CHODL: variants seen among roughly 807,000 people sequenced by gnomAD.
The protein encoded by CHODL is transmembrane protein MT75.
Under a neutral mutation model 34.5 loss-of-function variants are expected in CHODL, and 29 were observed. The ratio of observed to expected loss-of-function variants is 0.84; its 90% CI spans 0.63 to 1.15. CHODL has a LOEUF of 1.15. Among genes scored for constraint, CHODL ranks in the 50% most tolerant of loss-of-function variants. The probability of loss-of-function intolerance (pLI) is 0.00; values close to 1 mark genes in which losing one functional copy is unlikely to be tolerated. For synonymous variants in CHODL, 125 were observed against 116.1 expected (o/e 1.08, Z -0.49); for missense variants, 332 against 332.5 (o/e 1.00, Z 0.01).
chr21:18,005,753 A>G (rs2063954305), intron 1 of CHODL, among the ~76,000 whole-genome samples: 1 of 152,104 alleles, frequency 6.6e-6, no homozygotes, highest in African/African-American at 2.4e-5. Context: ...ATCCATATCC[A>G]CCTAGAAAAC....
At chr21:18,155,735 A>G (rs930192353) in intron 2 of CHODL, among the ~76,000 whole-genome samples, 2 of 152,186 alleles carry the variant, frequency 1.3e-5, no homozygotes, top group African/African-American at 4.8e-5. Flanking sequence ...AAAGGCAGTC[A>G]CGGAAACAAT....
At position 18,256,750 on chromosome 21, in the gene CHODL, A is replaced by G; in HGVS notation, c.321A>G (p.Gly107=). ...TCTGGATAGGGCTTTGGAGGAATGG[A>G]GATGGGCAAACATCTGGTGCCTGCC... ...GDFWIGLWRN[G]DGQTSGACPD... The change falls in exon 2 of 6, where the codon GGA becomes GGG. Residue 107 remains glycine, a synonymous_variant. Transcript: ENST00000299295. The G allele has an allele frequency of 6.2e-7, 1 of 1,613,798 alleles. No individual in the cohort carries two copies. Among genetic ancestry groups the G allele is most frequent in the Admixed American group, 1.7e-5 (1 of 60,006 alleles).
At chr21:18,051,141 A>G (rs2064510119) in intron 2 of CHODL, among the ~76,000 whole-genome samples, 1 of 151,778 alleles carries the variant, frequency 6.6e-6, no homozygotes, top group Non-Finnish European at 1.5e-5. Flanking sequence ...ATGTGTTCTC[A>G]TTGTTCAACT....
chr21:18,207,873 T>C (rs559402917), intron 2 of CHODL, among the ~76,000 whole-genome samples: 1 of 152,106 alleles, frequency 6.6e-6, no homozygotes, highest in Non-Finnish European at 1.5e-5. Context: ...CTTGCTGCTT[T>C]TAGGATTCTT....
chr21:18,146,330 GT>G, intron 2 of CHODL, among the ~76,000 whole-genome samples: 1 of 152,052 alleles, frequency 6.6e-6, no homozygotes, highest in Non-Finnish European at 1.5e-5. Context: ...ACCTGATATG[GT>G]TTAGCTTGTG....
At chr21:18,232,708 G>A (rs1423528710) in intron 2 of CHODL, among the ~76,000 whole-genome samples, 2 of 151,850 alleles carry the variant, frequency 1.3e-5, no homozygotes, top group Admixed American at 1.3e-4. Context: ...CATTGGTTTA[G>A]TCTTGGTGAT....
At chr21:18,173,604 G>C (rs11911044) in intron 2 of CHODL, among the ~76,000 whole-genome samples, 16,205 of 152,018 alleles carry the variant, frequency 0.11, 948 homozygotes, top group Middle Eastern at 0.15. Context: ...GCTTAGGTTG[G>C]GGATTTGCTA....
At chr21:18,048,291 T>C (rs2064470067) in intron 2 of CHODL, among the ~76,000 whole-genome samples, 1 of 151,926 alleles carries the variant, frequency 6.6e-6, no homozygotes, top group South Asian at 2.1e-4. Flanking sequence ...TTGGTGTCTC[T>C]TCAACTCTGA....
At chr21:18,047,042 C>T (rs1256974016) in intron 2 of CHODL, among the ~76,000 whole-genome samples, 1 of 151,930 alleles carries the variant, frequency 6.6e-6, no homozygotes, top group East Asian at 1.9e-4. Context: ...AGTTCCCTGA[C>T]ACTGGTGATT....
chr21:18,085,845 A>T (rs1735307), intron 2 of CHODL, among the ~76,000 whole-genome samples: 61,757 of 151,448 alleles, frequency 0.41, 13,672 homozygotes, highest in Non-Finnish European at 0.51. Flanking sequence ...AATTCCTTTT[A>T]GAATATATTT....
chr21:18,153,393 C>T (rs1176657916), intron 2 of CHODL, among the ~76,000 whole-genome samples: 1 of 152,158 alleles, frequency 6.6e-6, no homozygotes, highest in South Asian at 2.1e-4. Flanking sequence ...TTTCCTGGCT[C>T]ATGGTCACTT....
intron 2 of CHODL, among the ~76,000 whole-genome samples, chr21:18,146,770 T>C (rs1376598021): frequency 6.6e-6 from 1 of 152,220 alleles, no homozygotes; most frequent in Non-Finnish European, 1.5e-5. Context: ...TCTGAGCTCT[T>C]AGTATCCCCT....
chr21:18,234,574 G>A (rs2074012046), intron 2 of CHODL, among the ~76,000 whole-genome samples: 1 of 152,024 alleles, frequency 6.6e-6, no homozygotes, highest in Non-Finnish European at 1.5e-5. Flanking sequence ...GGGTAAAAGA[G>A]GATAATGCAA....
chr21:17,923,372 T>G (rs1044578215), intron 1 of CHODL, among the ~76,000 whole-genome samples: 6 of 143,486 alleles, frequency 4.2e-5, no homozygotes, highest in African/African-American at 1.3e-4. Flanking sequence ...TACAGATTTG[T>G]AAAATAAATT....
At chr21:18,002,688 A>G (rs917450125) in intron 1 of CHODL, among the ~76,000 whole-genome samples, 2 of 152,152 alleles carry the variant, frequency 1.3e-5, no homozygotes, top group African/African-American at 2.4e-5. Context: ...CCATAGCCTC[A>G]TGGAGTGGAA....
rs556632031 is a variant in CHODL, at chr21:17,938,022, T to A, written c.-145+20622T>A. On this transcript the variant is annotated intron_variant, in intron 1 of 6. Coordinates refer to the CHODL transcript ENST00000400127. ...CTGTTCTCATTTGGTATTGGGCAAG[T>A]TCCCCTCACCCCACATACTTTTCAT... Among the ~76,000 whole-genome samples, 3 of 152,340 alleles carry A rather than the reference T, an allele frequency of 2.0e-5. No individual in the cohort carries two copies. The East Asian group carries it at 5.8e-4, about 29-fold the overall frequency.
At chr21:18,198,152 T>C (rs553709120) in intron 2 of CHODL, among the ~76,000 whole-genome samples, 1 of 152,302 alleles carries the variant, frequency 6.6e-6, no homozygotes, top group South Asian at 2.1e-4. Context: ...TTTACCTAAT[T>C]AGATTTTTCA....
chr21:18,081,765 G>T (rs1007878828), intron 2 of CHODL, among the ~76,000 whole-genome samples: 1 of 151,490 alleles, frequency 6.6e-6, no homozygotes, highest in Non-Finnish European at 1.5e-5. Flanking sequence ...AACTTTTCTC[G>T]TTAAGTATGA....
intron 2 of CHODL, among the ~76,000 whole-genome samples, chr21:18,036,560 A>C (rs1367645199): frequency 6.6e-6 from 1 of 152,036 alleles, no homozygotes; most frequent in Non-Finnish European, 1.5e-5. Context: ...CTGCCTAGGC[A>C]CTAGAGTGGG....
Sources: gnomAD v4.1 joint callset for allele counts (sites outside exome capture counted in the v4.1 genomes callset) on GRCh38, gnomAD v4.1.1 for gene constraint, MANE v1.5 for transcripts, NCBI Gene and HGNC (gene_info 2026-07-23, HGNC 2026-07-21) for gene names.